The following WWOX variants were observed in gnomAD, a reference collection of about 807,000 sequenced individuals.
The protein encoded by WWOX is WW domain containing oxidoreductase, also known as WW domain-containing oxidoreductase.
Under a neutral mutation model 46.2 loss-of-function variants are expected in WWOX, and 69 were observed. The observed-to-expected ratio is 1.49, with a 90% CI of 1.23 to 1.82. The LOEUF (loss-of-function observed/expected upper bound fraction) is 1.82, where lower values mean the gene tolerates loss of function less well. Ranked by LOEUF, WWOX falls within the 40% of genes most tolerant of loss-of-function variation. WWOX has a pLI of 0.00. For missense variants in WWOX, 919 were observed against 542.6 expected, an observed-to-expected ratio of 1.69 and a Z score of -6.89; for synonymous variants, 359 against 202.6, an observed-to-expected ratio of 1.77 and a Z score of -6.56.
At chr16:78,833,847 C>G (rs1053801720) in intron 8 of WWOX, among the ~76,000 whole-genome samples, 9 of 152,280 alleles carry the variant, frequency 5.9e-5, no homozygotes, top group Non-Finnish European at 4.4e-5. Context: ...CCAAGGTTTG[C>G]TGGCTCATGC....
intron 8 of WWOX, among the ~76,000 whole-genome samples, chr16:79,097,604 G>A (rs8062496): frequency 0.15 from 22,322 of 152,100 alleles, 1,670 homozygotes; most frequent in African/African-American, 0.15. Flanking sequence ...AGCCCCTCAG[G>A]TTCTGAGAAT....
At chr16:78,702,007 T>TTA (rs869227421) in intron 8 of WWOX, among the ~76,000 whole-genome samples, 7,680 of 57,334 alleles carry the variant, frequency 0.13, 503 homozygotes, top group Non-Finnish European at 0.16. Context: ...CTACATAAAA[T>TTA]TATATATATA....
intron 8 of WWOX, among the ~76,000 whole-genome samples, chr16:78,746,690 A>G (rs926040840): frequency 2.6e-5 from 4 of 151,780 alleles, no homozygotes; most frequent in African/African-American, 9.7e-5. Flanking sequence ...CATTTTTCCC[A>G]TAGCCAATGC....
chr16:79,055,085 C>T lies in WWOX; in HGVS notation c.1057-156523C>T, dbSNP rs368922289. 5.9e-5 allele frequency among the ~76,000 whole-genome samples: 9 copies of T among 152,142 alleles called. No individual in the cohort carries two copies. The East Asian group carries it at 7.7e-4, about 13-fold the overall frequency. ...AAATGGTATAAATGTTCAATAATAG[C>T]CAGTGAATATAAAACTAAATAATCC... is the stretch of plus-strand genomic sequence containing the variant. On this transcript the variant is annotated intron_variant, in intron 8 of 8. Transcript: ENST00000566780.
At chr16:78,476,962 A>G (rs2667554) in intron 8 of WWOX, among the ~76,000 whole-genome samples, 27,069 of 146,968 alleles carry the variant, frequency 0.18, 4,198 homozygotes, top group African/African-American at 0.43. Flanking sequence ...CCTCTTTTTC[A>G]CCCTTTTATT....
chr16:78,640,793 G>A (rs932253797), intron 8 of WWOX, among the ~76,000 whole-genome samples: 9 of 152,022 alleles, frequency 5.9e-5, no homozygotes, highest in African/African-American at 1.7e-4. Context: ...CAAAAAATTA[G>A]CCGGGCGTGG....
chr16:78,418,395 A>G (rs1393137518), intron 6 of WWOX, among the ~76,000 whole-genome samples: 1 of 151,888 alleles, frequency 6.6e-6, no homozygotes, highest in Non-Finnish European at 1.5e-5. Flanking sequence ...ATTAATATCA[A>G]TTTTCCACAA....
At chr16:79,099,568 G>T (rs1432124886) in intron 8 of WWOX, among the ~76,000 whole-genome samples, 1 of 147,990 alleles carries the variant, frequency 6.8e-6, no homozygotes, top group Admixed American at 6.7e-5. Flanking sequence ...TGTAGATTGT[G>T]TGTGCGTGTG....
intron 5 of WWOX, among the ~76,000 whole-genome samples, chr16:78,245,788 A>G (rs886190417): frequency 6.6e-6 from 1 of 152,198 alleles, no homozygotes; most frequent in Non-Finnish European, 1.5e-5. Context: ...AGCGCAGACA[A>G]TATTCTTCCT....
chr16:78,681,224 G>C (rs185539964), intron 8 of WWOX, among the ~76,000 whole-genome samples: 1 of 152,226 alleles, frequency 6.6e-6, no homozygotes, highest in African/African-American at 2.4e-5. Context: ...CTGGGCAACA[G>C]AGCAAGACTG....
chr16:78,846,097 C>T (rs868486401), intron 8 of WWOX, among the ~76,000 whole-genome samples: 2 of 152,170 alleles, frequency 1.3e-5, no homozygotes, highest in Admixed American at 1.3e-4. Flanking sequence ...TCATCAGGAG[C>T]TGTGGGACCT....
chr16:78,394,768 T>G (rs1417277691), intron 6 of WWOX, among the ~76,000 whole-genome samples: 1 of 152,210 alleles, frequency 6.6e-6, no homozygotes, highest in African/African-American at 2.4e-5. Flanking sequence ...AATAAAACTT[T>G]ACAAAACAGA....
chr16:78,898,516 C>T (rs749435756), intron 8 of WWOX: 1 of 152,088 alleles, frequency 6.6e-6, no homozygotes, highest in Non-Finnish European at 1.5e-5. Context: ...CTTATACTTA[C>T]TGCTCGATTG....
At chr16:78,551,495 G>A (rs370910807) in intron 8 of WWOX, 200 of 152,332 alleles carry the variant, frequency 1.3e-3, no homozygotes, top group African/African-American at 4.6e-3. Flanking sequence ...GTTGCAGGGA[G>A]GCTGGGCTAA....
At chr16:79,000,813 C>A (rs1017636451) in intron 8 of WWOX, among the ~76,000 whole-genome samples, 2 of 152,182 alleles carry the variant, frequency 1.3e-5, no homozygotes, top group Non-Finnish European at 2.9e-5. Flanking sequence ...TTGGGAAGTT[C>A]TCCAGCCTTC....
chr16:78,730,906 G>A (rs1449608271), intron 8 of WWOX, among the ~76,000 whole-genome samples: 2 of 152,046 alleles, frequency 1.3e-5, no homozygotes, highest in Admixed American at 6.6e-5. Context: ...ACTGAGTAGT[G>A]ATTTAAAAAT....
chr16:78,817,179 T>TTTTTC (rs2051355406), intron 8 of WWOX, among the ~76,000 whole-genome samples: 1 of 131,656 alleles, frequency 7.6e-6, no homozygotes, highest in Non-Finnish European at 1.7e-5. Context: ...ATTCTTTTTT[T>TTTTTC]TTTTTTTTTT....
chr16:78,373,908 C>T (rs2081755447), intron 5 of WWOX, among the ~76,000 whole-genome samples: 1 of 151,566 alleles, frequency 6.6e-6, no homozygotes, highest in African/African-American at 2.4e-5. Context: ...CCACCTCAGC[C>T]TCCCAAGTAG....
intron 8 of WWOX, among the ~76,000 whole-genome samples, chr16:78,930,448 ATTT>A (rs71140847): frequency 2.3e-4 from 25 of 106,546 alleles, no homozygotes; most frequent in South Asian, 1.1e-3. Context: ...CAGCTAGCTA[ATTT>A]TTTTTTTTTT....
Sources: allele counts gnomAD v4.1 joint callset (sites outside exome capture counted in the v4.1 genomes callset), GRCh38; gene constraint gnomAD v4.1.1; transcripts MANE v1.5; gene names NCBI Gene and HGNC (gene_info 2026-07-23, HGNC 2026-07-21).